CSMD1: variants seen among roughly 807,000 people sequenced by gnomAD.
CSMD1 encodes the protein CUB and Sushi multiple domains 1.
In CSMD1, 213 loss-of-function variants were observed where a neutral mutation model predicts 417.5. That is an observed-to-expected ratio of 0.51 (90% CI 0.46 to 0.57). The LOEUF (loss-of-function observed/expected upper bound fraction) is 0.57, where lower values mean the gene tolerates loss of function less well. CSMD1 is among the 20% of genes least tolerant of loss of function. CSMD1 has a pLI of 0.00. For missense variants in CSMD1, 6,923 were observed against 4,529.7 expected, an observed-to-expected ratio of 1.53 and a Z score of -15.17; for synonymous variants, 2,862 against 1,736.8, an observed-to-expected ratio of 1.65 and a Z score of -16.11.
At chr8:4,535,839 A>G (rs1166938031) in intron 2 of CSMD1, among the ~76,000 whole-genome samples, 2 of 152,174 alleles carry the variant, frequency 1.3e-5, no homozygotes, top group Admixed American at 1.3e-4. Flanking sequence ...TCGTGAGTTC[A>G]CACTCCTGCT....
intron 2 of CSMD1, among the ~76,000 whole-genome samples, chr8:4,439,501 G>C (rs993816810): frequency 1.3e-5 from 2 of 151,800 alleles, no homozygotes; most frequent in East Asian, 1.9e-4. Flanking sequence ...AACAAGCTGA[G>C]ATAGCTATAT....
chr8:3,385,902 T>C (rs1475427064), intron 18 of CSMD1, among the ~76,000 whole-genome samples: 3 of 151,860 alleles, frequency 2.0e-5, no homozygotes, highest in Admixed American at 6.6e-5. Context: ...CAGATTCACA[T>C]ATGAGAGGAA....
chr8:3,493,555 T>C (rs943949682), intron 11 of CSMD1, 68 bp downstream of exon 11: 1 of 1,326,886 alleles, frequency 7.5e-7, no homozygotes, highest in African/African-American at 1.5e-5. Flanking sequence ...TGTAGCAGAA[T>C]CTCATCTCCA....
intron 5 of CSMD1, among the ~76,000 whole-genome samples, chr8:3,989,009 T>C (rs1480311795): frequency 6.6e-6 from 1 of 151,408 alleles, no homozygotes; most frequent in Admixed American, 6.6e-5. Flanking sequence ...TAAAAACCAT[T>C]GTTCAAAACA....
chr8:3,271,670 C>T (rs1275548075), intron 26 of CSMD1, among the ~76,000 whole-genome samples: 1 of 152,220 alleles, frequency 6.6e-6, no homozygotes, highest in Non-Finnish European at 1.5e-5. Context: ...TTGCATTTCT[C>T]TGATAGCCAG....
chr8:4,915,784 C>A (rs1806024025), intron 1 of CSMD1, among the ~76,000 whole-genome samples: 1 of 152,236 alleles, frequency 6.6e-6, no homozygotes, highest in African/African-American at 2.4e-5. Flanking sequence ...TTAGCAGAGA[C>A]ACTTGATGCA....
chr8:3,773,582 C>T (rs74299107), intron 5 of CSMD1, among the ~76,000 whole-genome samples: 3,371 of 152,230 alleles, frequency 0.022, 123 homozygotes, highest in African/African-American at 0.077. Context: ...CCACCACACC[C>T]GTCCTATAAT....
intron 1 of CSMD1, among the ~76,000 whole-genome samples, chr8:4,764,619 G>A (rs903653172): frequency 6.6e-6 from 1 of 151,262 alleles, no homozygotes; most frequent in Non-Finnish European, 1.5e-5. Context: ...AAAGATTTTT[G>A]TCTACTGGAT....
At chr8:3,306,830 CTTTAAAAATATTACAGAGCTT>C (rs1584967902) in intron 25 of CSMD1, among the ~76,000 whole-genome samples, 1 of 27,884 alleles carries the variant, frequency 3.6e-5, no homozygotes, top group East Asian at 8.3e-4. Context: ...CAAGAGCTTA[CTTTAAAAATATTACAGAGCTT>C]ACTTTAAAAA....
chr8:3,282,932 C>T (rs1409301731), intron 26 of CSMD1, among the ~76,000 whole-genome samples: 2 of 152,150 alleles, frequency 1.3e-5, no homozygotes, highest in African/African-American at 4.8e-5. Context: ...ATGATGATGG[C>T]TGACCTTGTG....
At chr8:3,234,516 G>A (rs186921550) in intron 26 of CSMD1, among the ~76,000 whole-genome samples, 61 of 151,530 alleles carry the variant, frequency 4.0e-4, no homozygotes, top group African/African-American at 1.4e-3. Flanking sequence ...CTTGGGTTTC[G>A]GAGTAGGTTT....
At chr8:3,747,636 C>T (rs147988978) in intron 6 of CSMD1, among the ~76,000 whole-genome samples, 22 of 151,998 alleles carry the variant, frequency 1.4e-4, no homozygotes, top group African/African-American at 4.6e-4. Context: ...TTGACAATAG[C>T]GCTTGCATCT....
rs966504635 is a variant in CSMD1, at chr8:4,603,140, T to C, written c.302+34202A>G. On this transcript the variant is annotated intron_variant, in intron 2 of 69. Coordinates refer to ENST00000635120, the MANE Select transcript of CSMD1 (RefSeq NM_033225.6). The stretch of plus-strand genomic sequence containing the variant: ...TTGGCTTGAATTTTTTATGGAGACA[T>C]AGCTATATTAATTACTTTAAGAAAA... Among the ~76,000 whole-genome samples, 22 of 152,134 alleles carry C rather than the reference T, an allele frequency of 1.4e-4. 1 individual carries two copies. The highest frequency in any genetic ancestry group is 1.3e-3 in the Admixed American group (20 of 15,280).
At chr8:3,707,295 C>G in intron 7 of CSMD1, among the ~76,000 whole-genome samples, 1 of 133,218 alleles carries the variant, frequency 7.5e-6, no homozygotes, top group East Asian at 2.6e-4. Flanking sequence ...CTCTAGCATG[C>G]AGATGTAAAC....
chr8:4,697,002 T>A (rs967194636), intron 1 of CSMD1, among the ~76,000 whole-genome samples: 1 of 151,912 alleles, frequency 6.6e-6, no homozygotes, highest in African/African-American at 2.4e-5. Context: ...TGAAACCCTG[T>A]CTCTACTAAA....
chr8:3,547,558 T>C (rs1395073075), intron 10 of CSMD1, among the ~76,000 whole-genome samples: 1 of 152,180 alleles, frequency 6.6e-6, no homozygotes, highest in Non-Finnish European at 1.5e-5. Context: ...TCATACAAAA[T>C]TGAGTTTTAG....
At chr8:4,767,458 C>G (rs1220057573) in intron 1 of CSMD1, among the ~76,000 whole-genome samples, 1 of 152,168 alleles carries the variant, frequency 6.6e-6, no homozygotes, top group Admixed American at 6.5e-5. Flanking sequence ...ACATAGCTCA[C>G]TGGGGCTCTG....
chr8:4,669,432 T>C (rs1805154206), intron 1 of CSMD1, among the ~76,000 whole-genome samples: 1 of 152,194 alleles, frequency 6.6e-6, no homozygotes, highest in African/African-American at 2.4e-5. Flanking sequence ...TAGTTTTGTT[T>C]TTCTAGTTCC....
At chr8:4,413,486 C>T (rs1025634912) in intron 3 of CSMD1, among the ~76,000 whole-genome samples, 1 of 152,148 alleles carries the variant, frequency 6.6e-6, no homozygotes, top group African/African-American at 2.4e-5. Flanking sequence ...TTTCAGAAGG[C>T]AATTATATCT....
Sources: allele counts gnomAD v4.1 joint callset (sites outside exome capture counted in the v4.1 genomes callset), GRCh38; gene constraint gnomAD v4.1.1; transcripts MANE v1.5; gene names NCBI Gene and HGNC (gene_info 2026-07-23, HGNC 2026-07-21).